Variants in NIBAN1 observed in about 807,000 individuals in gnomAD.
The protein encoded by NIBAN1 is protein Niban 1.
Under a neutral mutation model 75.1 loss-of-function variants are expected in NIBAN1, and 81 were observed. The ratio of observed to expected loss-of-function variants is 1.08; its 90% CI spans 0.90 to 1.30. The LOEUF (loss-of-function observed/expected upper bound fraction) is 1.30, where lower values mean the gene tolerates loss of function less well. Ranked by LOEUF, NIBAN1 falls within the 50% of genes most tolerant of loss-of-function variation. The pLI, the probability that NIBAN1 is intolerant of heterozygous loss-of-function variation, is 0.00. For missense variants in NIBAN1, 1,133 were observed against 1,128.1 expected (o/e 1.00, Z -0.06); for synonymous variants, 436 against 424.8 (o/e 1.03, Z -0.32).
At chr1:184,955,158 TGTACTAAAACTTCAAA>T (rs1658451860) in intron 1 of NIBAN1, among the ~76,000 whole-genome samples, 2 of 152,174 alleles carry the variant, frequency 1.3e-5, no homozygotes, top group African/African-American at 2.4e-5. Context: ...TTATTTTCTT[TGTACTAAAACTTCAAA>T]ATTGGTGTGT....
chr1:184,904,671 T>G (rs1316056343), intron 1 of NIBAN1, among the ~76,000 whole-genome samples: 2 of 152,156 alleles, frequency 1.3e-5, no homozygotes, highest in African/African-American at 2.4e-5. Context: ...AAAAGTCTCT[T>G]GGGCTGGGCG....
intron 5 of NIBAN1, among the ~76,000 whole-genome samples, chr1:184,856,252 G>C (rs913236494): frequency 1.3e-5 from 2 of 152,148 alleles, no homozygotes; most frequent in South Asian, 4.1e-4. Context: ...TGTGGGCTTA[G>C]ATTTTTAAAA....
At chr1:184,964,709 C>A (rs1340864843) in intron 1 of NIBAN1, among the ~76,000 whole-genome samples, 1 of 152,032 alleles carries the variant, frequency 6.6e-6, no homozygotes, top group Admixed American at 6.6e-5. Context: ...GGAAGGTTGG[C>A]GGAGAGGAAA....
intron 9 of NIBAN1, among the ~76,000 whole-genome samples, chr1:184,817,331 A>C (rs1654568004): frequency 6.6e-6 from 1 of 152,188 alleles, no homozygotes; most frequent in South Asian, 2.1e-4. Context: ...CGCAATTAAC[A>C]TATGTGTGCA....
At chr1:184,913,137 G>GTATA (rs56098797) in intron 1 of NIBAN1, among the ~76,000 whole-genome samples, 36 of 109,748 alleles carry the variant, frequency 3.3e-4, no homozygotes, top group African/African-American at 1.1e-3. Flanking sequence ...TATCATGCAG[G>GTATA]TATATATATA....
At position 184,884,766 on chromosome 1, in the gene NIBAN1, C is replaced by T. The variant is rs150053612; in HGVS notation, c.468G>A (p.Val156=). Residue 156 remains valine (V), a synonymous_variant, in exon 5 of 14, where the codon GTG becomes GTA. Transcript: ENST00000367511. ...ACACTGGGAATTCCTTGGGCAGGAC[C>T]ACAAAGGGCTGAGTGTTCTCCTTCT... ...SSEKENTQPF[V]VLPKEFPVYL... 711 of 1,614,150 alleles carry T rather than the reference C, an allele frequency of 4.4e-4. 14 individuals carry two copies. In the East Asian group the frequency reaches 0.015, roughly 35 times the overall value.
At chr1:184,801,816 A>C (rs1654050137) in intron 12 of NIBAN1, among the ~76,000 whole-genome samples, 1 of 152,224 alleles carries the variant, frequency 6.6e-6, no homozygotes, top group Non-Finnish European at 1.5e-5. Context: ...ATTTTCAACC[A>C]GCTAAATAAT....
intron 1 of NIBAN1, among the ~76,000 whole-genome samples, chr1:184,954,726 G>T (rs538627530): frequency 2.7e-4 from 41 of 152,316 alleles, no homozygotes; most frequent in Non-Finnish European, 5.0e-4. Flanking sequence ...GAAATGTTTG[G>T]TTTGGTTTGG....
At chr1:184,943,378 T>C (rs1456625717) in intron 1 of NIBAN1, among the ~76,000 whole-genome samples, 2 of 152,174 alleles carry the variant, frequency 1.3e-5, no homozygotes, top group South Asian at 4.1e-4. Context: ...AAATGATGAC[T>C]CTTTGGGATT....
At chr1:184,958,364 T>TCACACACA (rs3035788) in intron 1 of NIBAN1, among the ~76,000 whole-genome samples, 3,823 of 142,628 alleles carry the variant, frequency 0.027, 115 homozygotes, top group African/African-American at 0.069. Flanking sequence ...GACAGAGGAG[T>TCACACACA]CACACACACA....
intron 1 of NIBAN1, among the ~76,000 whole-genome samples, chr1:184,961,415 A>G (rs72739656): frequency 0.14 from 20,955 of 152,028 alleles, 1,734 homozygotes; most frequent in East Asian, 0.35. Flanking sequence ...GGTTCTTCAC[A>G]CAGATAGCAA....
At chr1:184,910,428 T>C (rs1000668575) in intron 1 of NIBAN1, among the ~76,000 whole-genome samples, 2 of 152,134 alleles carry the variant, frequency 1.3e-5, no homozygotes, top group African/African-American at 4.8e-5. Context: ...AGAAATTAAT[T>C]GATCCAAGGT....
At chr1:184,904,731 A>G (rs947725634) in intron 1 of NIBAN1, among the ~76,000 whole-genome samples, 2 of 152,170 alleles carry the variant, frequency 1.3e-5, no homozygotes, top group Admixed American at 6.5e-5. Context: ...TGGGTGGATC[A>G]CTTGAGGTCA....
rs567091890 is a variant in NIBAN1, at chr1:184,810,632, A to C, written c.1174-2397T>G. On this transcript the variant is annotated intron_variant, in intron 9 of 13. Coordinates refer to ENST00000367511, the MANE Select transcript of NIBAN1 (RefSeq NM_052966.4). ...ACTACTCATAGACTGCTAAATGTTCAAATAAGGCAAATGCTGAGTTGTAAC... is the reference window on the plus strand; with the variant it reads ...ACTACTCATAGACTGCTAAATGTTCCAATAAGGCAAATGCTGAGTTGTAAC... Among the ~76,000 whole-genome samples the C allele has an allele frequency of 2.6e-5, 4 of 152,332 alleles. No homozygotes were observed. In the East Asian group the frequency reaches 7.7e-4, roughly 29 times the overall value.
chr1:184,916,600 G>C (rs73050686), intron 1 of NIBAN1, among the ~76,000 whole-genome samples: 1 of 151,412 alleles, frequency 6.6e-6, no homozygotes, highest in African/African-American at 2.4e-5. Context: ...AAAATGAGGG[G>C]TTTTTTTTAA....
At chr1:184,891,347 C>G (rs1656661583) in intron 3 of NIBAN1, among the ~76,000 whole-genome samples, 2 of 152,120 alleles carry the variant, frequency 1.3e-5, no homozygotes, top group African/African-American at 4.8e-5. Flanking sequence ...GAAATAATAC[C>G]TTACAGCTCT....
At chr1:184,857,885 A>T (rs1353434657) in intron 5 of NIBAN1, among the ~76,000 whole-genome samples, 1 of 152,108 alleles carries the variant, frequency 6.6e-6, no homozygotes, top group Non-Finnish European at 1.5e-5. Context: ...CATATACATC[A>T]TATATAAACA....
chr1:184,925,982 T>C lies in NIBAN1; in HGVS notation c.56-26673A>G, dbSNP rs113143736. ...CTCATTAACGCCCTTTACTTTCAGA[T>C]TGAAGGACTCCCTTTAGCATTTCTG... is the stretch of plus-strand genomic sequence containing the variant. On this transcript the variant is annotated intron_variant, in intron 1 of 13. Coordinates refer to ENST00000367511, the MANE Select transcript of NIBAN1 (RefSeq NM_052966.4). Among the ~76,000 whole-genome samples, 1,334 of 152,332 alleles carry C rather than the reference T, an allele frequency of 8.8e-3. 15 individuals are homozygous for C. Among genetic ancestry groups the C allele is most frequent in the South Asian group, 0.02 (98 of 4,828 alleles).
chr1:184,854,312 G>A (rs1399829223), intron 5 of NIBAN1, among the ~76,000 whole-genome samples: 1 of 152,202 alleles, frequency 6.6e-6, no homozygotes, highest in African/African-American at 2.4e-5. Flanking sequence ...TGTTCAAACA[G>A]CCTCATTACA....
Sources: allele counts gnomAD v4.1 joint callset (sites outside exome capture counted in the v4.1 genomes callset), GRCh38; gene constraint gnomAD v4.1.1; transcripts MANE v1.5; gene names NCBI Gene and HGNC (gene_info 2026-07-23, HGNC 2026-07-21).